HFM1: variants seen among roughly 807,000 people sequenced by gnomAD.
HFM1 encodes probable ATP-dependent DNA helicase HFM1.
HFM1 carries 169 observed loss-of-function variants against 192.1 expected under a neutral mutation model. The observed-to-expected ratio is 0.88, with a 90% CI of 0.78 to 1.00. The LOEUF is 1.00. Among genes scored for constraint, HFM1 ranks in the 50% least tolerant of loss-of-function variants. The pLI is 0.00. For synonymous variants in HFM1, 525 were observed against 537.8 expected (o/e 0.98, Z 0.33); for missense variants, 1,661 against 1,668.0 (o/e 1.00, Z 0.07).
chr1:91,327,333 C>T (rs575964754), intron 20 of HFM1, among the ~76,000 whole-genome samples: 10 of 152,206 alleles, frequency 6.6e-5, no homozygotes, highest in South Asian at 4.2e-4. Context: ...GTGAGCAACA[C>T]GGCAAAACCC....
At chr1:91,400,752 G>A (rs867698709) in intron 2 of HFM1, among the ~76,000 whole-genome samples, 25 of 152,272 alleles carry the variant, frequency 1.6e-4, no homozygotes, top group Middle Eastern at 6.8e-3. Context: ...CCAAAGTGCT[G>A]GGATTACAGG....
chr1:91,326,239 G>GAT (rs1652881409), intron 20 of HFM1, among the ~76,000 whole-genome samples: 1 of 152,022 alleles, frequency 6.6e-6, no homozygotes, highest in Non-Finnish European at 1.5e-5. Context: ...CACAGAGAAA[G>GAT]ATATCAACAT....
chr1:91,286,832 G>A (rs978126017), intron 30 of HFM1, among the ~76,000 whole-genome samples: 2 of 152,210 alleles, frequency 1.3e-5, no homozygotes, highest in Non-Finnish European at 2.9e-5. Context: ...GCAAGGCGAG[G>A]CGTTGCCTCA....
chr1:91,345,342 C>G (rs1655989662), intron 19 of HFM1, among the ~76,000 whole-genome samples: 1 of 151,860 alleles, frequency 6.6e-6, no homozygotes, highest in Non-Finnish European at 1.5e-5. Context: ...TAAGGAATAG[C>G]AAGAAGGCCA....
chr1:91,382,426 T>C (rs980123673), intron 6 of HFM1, among the ~76,000 whole-genome samples: 16 of 152,322 alleles, frequency 1.1e-4, no homozygotes, highest in African/African-American at 3.8e-4. Context: ...GGATTCATTG[T>C]CTGTTTTCTT....
chr1:91,313,664 A>C (rs1039330242), intron 29 of HFM1, among the ~76,000 whole-genome samples, 169 bp from the exon 30 acceptor site: 2 of 152,142 alleles, frequency 1.3e-5, no homozygotes, highest in African/African-American at 4.8e-5. Context: ...AAAAAATTAT[A>C]TATTTATCAT....
At chr1:91,325,303 G>A (rs1300896578) in intron 20 of HFM1, among the ~76,000 whole-genome samples, 1 of 152,150 alleles carries the variant, frequency 6.6e-6, no homozygotes, top group African/African-American at 2.4e-5. Flanking sequence ...AGTATCTCTG[G>A]ACACACCCAG....
At chr1:91,343,882 C>T (rs753217806) in intron 19 of HFM1, among the ~76,000 whole-genome samples, 13 of 152,174 alleles carry the variant, frequency 8.5e-5, no homozygotes, top group Non-Finnish European at 1.6e-4. Flanking sequence ...GGCTAAGTAA[C>T]TTGCTCCAGG....
chr1:91,328,917 AC>A, intron 20 of HFM1: 1 of 1,611,360 alleles, frequency 6.2e-7, no homozygotes, highest in African/African-American at 1.3e-5. Context: ...GCTACCGAGG[AC>A]ATGGACTGCT....
intron 13 of HFM1, among the ~76,000 whole-genome samples, chr1:91,373,969 C>G (rs1299725345): frequency 1.3e-5 from 2 of 151,824 alleles, no homozygotes; most frequent in African/African-American, 4.8e-5. Flanking sequence ...AACTATTAAA[C>G]AAAAGGATAT....
chr1:91,317,614 G>A (rs937308759), intron 25 of HFM1, among the ~76,000 whole-genome samples: 1 of 152,068 alleles, frequency 6.6e-6, no homozygotes, highest in South Asian at 2.1e-4. Flanking sequence ...TATATTACAT[G>A]TATTACTGGT....
chr1:91,389,308 C>T (rs1397946089), intron 4 of HFM1, among the ~76,000 whole-genome samples: 1 of 151,870 alleles, frequency 6.6e-6, no homozygotes, highest in Non-Finnish European at 1.5e-5. Context: ...ATTACAGGCG[C>T]ATGCCACCAC....
intron 20 of HFM1, among the ~76,000 whole-genome samples, chr1:91,325,955 T>C (rs1209978073): frequency 2.0e-5 from 3 of 151,746 alleles, no homozygotes; most frequent in Non-Finnish European, 4.4e-5. Flanking sequence ...GTTGGAAAAA[T>C]GCAATGACAT....
At chr1:91,353,756 T>TTGAGCA (rs1657318157) in intron 13 of HFM1, among the ~76,000 whole-genome samples, 1 of 148,460 alleles carries the variant, frequency 6.7e-6, no homozygotes, top group African/African-American at 2.5e-5. Context: ...GATGGTCAAC[T>TTGAGCA]AGAGATGCCT....
At chr1:91,322,851 G>T in intron 23 of HFM1, 99 bp downstream of exon 23, 1 of 541,938 alleles carries the variant, frequency 1.8e-6, no homozygotes, top group South Asian at 3.8e-5. Flanking sequence ...TCCACATTCT[G>T]ACTCATTTTT....
At position 91,386,824 on chromosome 1, in the gene HFM1, G is replaced by A. The variant is rs780131195; in HGVS notation, c.495-990C>T. Among the ~76,000 whole-genome samples, 66 of 152,108 alleles carry A rather than the reference G, an allele frequency of 4.3e-4. 1 individual carries two copies. Among genetic ancestry groups the A allele is most frequent in the Non-Finnish European group, 9.1e-4 (62 of 68,028 alleles). On this transcript the variant is annotated intron_variant, in intron 4 of 38. Coordinates refer to ENST00000370425, the MANE Select transcript of HFM1 (RefSeq NM_001017975.6). ...AAAGTTGTCAGCAACTGCATTTCAC[G>A]CCACAGAAGCTACCAGATAAGACAG...
chr1:91,317,953 A>G (rs1651499027), intron 25 of HFM1, among the ~76,000 whole-genome samples: 1 of 152,128 alleles, frequency 6.6e-6, no homozygotes, highest in African/African-American at 2.4e-5. Context: ...GTTAGTTTCA[A>G]CAATCTGGAA....
intron 30 of HFM1, among the ~76,000 whole-genome samples, chr1:91,286,735 C>G (rs1668013662): frequency 6.6e-6 from 1 of 152,182 alleles, no homozygotes; most frequent in African/African-American, 2.4e-5. Flanking sequence ...TTCTGCATTT[C>G]CATCTGAGGT....
Position 91,262,224 on chromosome 1 carries a change from CT to C in HFM1, c.4238+16del, listed in dbSNP as rs1465147753. 8.3e-7 allele frequency: 1 copy of C among 1,201,466 alleles called. No individual in the cohort carries two copies. Among genetic ancestry groups the C allele is most frequent in the African/African-American group, 1.5e-5 (1 of 65,546 alleles). 74.4% of individuals were successfully genotyped at this position (1,201,466 alleles called of 1,614,324 possible). ...TTTTATTGATATAATCTTAAAGTGT[CT>C]TTAAAGAGTTCTTACCTGAAATCAA... On this transcript the variant is annotated intron_variant, in intron 38 of 38. Transcript: ENST00000370425.
Sources: gnomAD v4.1 joint callset for allele counts (sites outside exome capture counted in the v4.1 genomes callset) on GRCh38, gnomAD v4.1.1 for gene constraint, MANE v1.5 for transcripts, NCBI Gene and HGNC (gene_info 2026-07-23, HGNC 2026-07-21) for gene names.